Variants in MALL observed in about 807,000 individuals in gnomAD.
The protein encoded by MALL is mal, T cell differentiation protein like, also known as MAL-like protein.
A neutral mutation model predicts 10.3 loss-of-function variants in MALL; 2 were observed. That is an observed-to-expected ratio of 0.19 (90% CI 0.08 to 0.61). MALL has a LOEUF of 0.61. Ranked by LOEUF, MALL falls within the 20% of genes least tolerant of loss-of-function variation. MALL has a pLI of 0.88. For synonymous variants in MALL, 27 were observed against 51.8 expected (o/e 0.52, Z 2.05); for missense variants, 39 against 115.2 (o/e 0.34, Z 3.03).
At chr2:110,104,411 C>T (rs188847670) in intron 1 of MALL, among the ~76,000 whole-genome samples, 18 of 152,246 alleles carry the variant, frequency 1.2e-4, no homozygotes, top group African/African-American at 3.4e-4. Flanking sequence ...TGTTCTCCAC[C>T]GCCCTCATTA....
At chr2:110,106,060 A>G (rs1574035129) in intron 1 of MALL, among the ~76,000 whole-genome samples, 1 of 152,176 alleles carries the variant, frequency 6.6e-6, no homozygotes, top group South Asian at 2.1e-4. Context: ...AAAGGAAAAC[A>G]TCTAACATCA....
intron 1 of MALL, among the ~76,000 whole-genome samples, chr2:110,107,800 C>T (rs554040558): frequency 3.3e-5 from 5 of 152,306 alleles, no homozygotes; most frequent in Admixed American, 6.5e-5. Flanking sequence ...CCCTCTGCCA[C>T]CTCCACCAGA....
At chr2:110,106,348 C>T (rs1304970701) in intron 1 of MALL, among the ~76,000 whole-genome samples, 3 of 152,098 alleles carry the variant, frequency 2.0e-5, no homozygotes, top group Non-Finnish European at 2.9e-5. Context: ...CCCCAGCACC[C>T]GCAGACAGCT....
chr2:110,110,054 G>A (rs978337921), intron 1 of MALL, among the ~76,000 whole-genome samples: 8 of 152,008 alleles, frequency 5.3e-5, no homozygotes, highest in African/African-American at 1.7e-4. Flanking sequence ...CAAAACCTCT[G>A]GTATATAGCA....
intron 1 of MALL, among the ~76,000 whole-genome samples, chr2:110,101,460 C>T (rs1678562697): frequency 6.6e-6 from 1 of 152,194 alleles, no homozygotes; most frequent in Non-Finnish European, 1.5e-5. Flanking sequence ...GGTCTCATCT[C>T]CCGCTGGATA....
intron 1 of MALL, among the ~76,000 whole-genome samples, chr2:110,104,659 T>A (rs1452005566): frequency 1.3e-5 from 2 of 152,178 alleles, no homozygotes; most frequent in African/African-American, 4.8e-5. Flanking sequence ...GTCAAGCTCC[T>A]CCTTGAATCA....
At position 110,115,747 on chromosome 2, in the gene MALL, C is replaced by A; in HGVS notation, c.46G>T (p.Val16Leu). The change falls in exon 1 of 4, where the codon GTG (valine) becomes TTG (leucine). Residue 16 changes from valine (V) to leucine (L), a missense_variant. Physicochemically the swap from Val to Leu is conservative, Grantham distance 32. Coordinates refer to ENST00000272462, the MANE Select transcript of MALL (RefSeq NM_005434.5). ...AGGAACAGCGCGACCCCCGAGGGCA[C>A]GTCGGACGGGGCGTAGCTGGTGGCG... is the stretch of plus-strand genomic sequence containing the variant. The part of the protein sequence containing the change: ...PPATSYAPSD[V>L]PSGVALFLTI... 1 of 1,291,548 alleles carries A rather than the reference C, an allele frequency of 7.7e-7. No individual in the cohort carries two copies. Among genetic ancestry groups the A allele is most frequent in the Non-Finnish European group, 9.9e-7 (1 of 1,012,206 alleles). The allele number at this position is 1,291,548 out of a possible 1,614,324, so 80.0% of individuals were successfully genotyped here.
At chr2:110,097,110 AG>A (rs1300156679) in intron 1 of MALL, among the ~76,000 whole-genome samples, 8 of 151,526 alleles carry the variant, frequency 5.3e-5, no homozygotes, top group Non-Finnish European at 7.4e-5. Flanking sequence ...AAAAAAAAAG[AG>A]AGAGAAAATT....
intron 1 of MALL, among the ~76,000 whole-genome samples, chr2:110,098,946 T>C (rs976858193): frequency 6.6e-6 from 1 of 152,000 alleles, no homozygotes; most frequent in African/African-American, 2.4e-5. Flanking sequence ...ACAGCCTTGA[T>C]TGTGCCACTG....
rs568445426 is a variant in MALL at position 110,111,108 on chromosome 2, C to T, written c.105+4580G>A. On this transcript the variant is annotated intron_variant, in intron 1 of 3. Coordinates refer to ENST00000272462, the MANE Select transcript of MALL (RefSeq NM_005434.5). ...CCATCTATGACAAACCCACAGCCAACGTAATACTGAATGGCGAAAAGTTGA... is the reference window on the plus strand; with the variant it reads ...CCATCTATGACAAACCCACAGCCAATGTAATACTGAATGGCGAAAAGTTGA... Among the ~76,000 whole-genome samples the T allele has an allele frequency of 1.1e-4, 16 of 152,200 alleles. No individual in the cohort carries two copies. The East Asian group carries it at 1.5e-3, about 15-fold the overall frequency.
chr2:110,103,607 T>G (rs1313072915), intron 1 of MALL, among the ~76,000 whole-genome samples: 3 of 152,308 alleles, frequency 2.0e-5, no homozygotes, highest in Admixed American at 6.5e-5. Flanking sequence ...GCAAGGCTCC[T>G]TATCTAGGGC....
At chr2:110,101,670 C>A (rs1678567378) in intron 1 of MALL, among the ~76,000 whole-genome samples, 1 of 152,112 alleles carries the variant, frequency 6.6e-6, no homozygotes, top group African/African-American at 2.4e-5. Flanking sequence ...GGCCAGGCAT[C>A]CCCATTCCTG....
At chr2:110,097,740 G>T (rs1678477449) in intron 1 of MALL, 2 of 299,180 alleles carry the variant, frequency 6.7e-6, no homozygotes, top group South Asian at 5.1e-5. Flanking sequence ...AGTGCCAGGG[G>T]TGGGTACCCT....
intron 1 of MALL, among the ~76,000 whole-genome samples, chr2:110,108,280 C>CA (rs1400927202): frequency 6.6e-6 from 1 of 151,750 alleles, no homozygotes; most frequent in Non-Finnish European, 1.5e-5. Flanking sequence ...AAAGGAAGTC[C>CA]AAAAAATGAT....
At chr2:110,114,329 C>A (rs902028007) in intron 1 of MALL, among the ~76,000 whole-genome samples, 11 of 151,976 alleles carry the variant, frequency 7.2e-5, no homozygotes, top group Non-Finnish European at 1.6e-4. Context: ...AGTCTCTTCC[C>A]GGCAGACAGG....
intron 1 of MALL, among the ~76,000 whole-genome samples, chr2:110,092,820 G>A (rs1218274527): frequency 2.4e-4 from 24 of 99,734 alleles, no homozygotes; most frequent in African/African-American, 6.4e-4. Flanking sequence ...TCTTCCTGGA[G>A]TGCAACCTTT....
At chr2:110,097,600 A>T (rs529799293) in intron 1 of MALL, 1 of 455,662 alleles carries the variant, frequency 2.2e-6, no homozygotes, top group African/African-American at 2.0e-5. Flanking sequence ...CTGAGTAATG[A>T]TGCCCTGGGA....
At chr2:110,114,210 T>C (rs1002975483) in intron 1 of MALL, among the ~76,000 whole-genome samples, 3 of 152,070 alleles carry the variant, frequency 2.0e-5, no homozygotes, top group African/African-American at 7.2e-5. Flanking sequence ...TGCCTGTTCT[T>C]TGAGGTCCAA....
chr2:110,117,063 C>T (rs1678934417), upstream of MALL, among the ~76,000 whole-genome samples: 1 of 152,150 alleles, frequency 6.6e-6, no homozygotes, highest in Non-Finnish European at 1.5e-5. Flanking sequence ...AAAGGCATTG[C>T]AAAGAAAGGC....
Sources: allele counts gnomAD v4.1 joint callset (sites outside exome capture counted in the v4.1 genomes callset), GRCh38; gene constraint gnomAD v4.1.1; transcripts MANE v1.5; gene names NCBI Gene and HGNC (gene_info 2026-07-23, HGNC 2026-07-21).